Variants in PLA2G12B observed in about 807,000 individuals in gnomAD.
PLA2G12B encodes the protein phospholipase A2 group XIIB, also known as group XIIB secretory phospholipase A2-like protein.
Under a neutral mutation model 22.3 loss-of-function variants are expected in PLA2G12B, and 19 were observed. The ratio of observed to expected loss-of-function variants is 0.85; its 90% CI spans 0.60 to 1.25. The LOEUF is 1.25. PLA2G12B is among the 50% of genes most tolerant of loss of function. PLA2G12B has a pLI of 0.00. For synonymous variants in PLA2G12B, 81 were observed against 94.9 expected (o/e 0.85, Z 0.85); for missense variants, 191 against 246.6 (o/e 0.77, Z 1.51).
Position 72,935,450 on chromosome 10 carries a change from C to T in PLA2G12B, c.*167G>A. ...CTCCATGTCTTTTTTCAAATTTCCT[C>T]AAAGGATAGGACTCACTTTCCAGCT... On this transcript the variant is annotated 3_prime_UTR_variant, in exon 4 of 4. Transcript: ENST00000373032. The T allele has an allele frequency of 9.8e-7, 1 of 1,020,066 alleles. No homozygotes were observed. Among genetic ancestry groups the T allele is most frequent in the Non-Finnish European group, 1.4e-6 (1 of 715,106 alleles). The allele number at this position is 1,020,066 out of a possible 1,614,324, so 63.2% of individuals were successfully genotyped here. A position where few individuals can be genotyped will look rare whatever the true frequency, so the allele number is the denominator to read the frequency against.
At chr10:72,953,956 G>C (rs981680576) in intron 1 of PLA2G12B, among the ~76,000 whole-genome samples, 1 of 152,232 alleles carries the variant, frequency 6.6e-6, no homozygotes, top group Admixed American at 6.5e-5. Flanking sequence ...AGGACGGTGT[G>C]AACTGCAGCA....
At position 72,954,461 on chromosome 10, in the gene PLA2G12B, A is replaced by G; in HGVS notation, c.211+14T>C. The G allele has an allele frequency of 6.2e-7, 1 of 1,614,164 alleles. No homozygotes were observed. Among genetic ancestry groups the G allele is most frequent in the South Asian group, 1.1e-5 (1 of 91,078 alleles). ...CAGCAACAGTTTTTACAGAAAGAGA[A>G]ACCGCACACTCACCATATCGGCACC... On this transcript the variant is annotated intron_variant, in intron 1 of 3. Transcript: ENST00000373032.
intron 1 of PLA2G12B, among the ~76,000 whole-genome samples, chr10:72,953,639 G>A (rs1335145330): frequency 1.3e-5 from 2 of 152,080 alleles, no homozygotes; most frequent in Non-Finnish European, 2.9e-5. Context: ...TCAAGGCCTG[G>A]GGCTCCACAT....
chr10:72,939,443 C>T (rs1453043602), intron 3 of PLA2G12B, among the ~76,000 whole-genome samples: 2 of 152,064 alleles, frequency 1.3e-5, no homozygotes, highest in African/African-American at 4.8e-5. Flanking sequence ...AATAAGCGAT[C>T]TTTGAAAATG....
chr10:72,951,043 CCTGTTCACTAGA>C (rs1338669235), intron 1 of PLA2G12B, among the ~76,000 whole-genome samples: 1 of 152,158 alleles, frequency 6.6e-6, no homozygotes, highest in East Asian at 1.9e-4. Context: ...ATGCAATTAA[CCTGTTCACTAGA>C]CTGTCTTTCT....
rs955949699 is a variant in PLA2G12B at position 72,944,394 on chromosome 10, T to A, written c.212-1654A>T. Reference sequence around the variant, plus strand: ...CTTCGTATCATTCTGCAAAATTGTCTTGATTATTCTTGGACCTTTACTCTC... The same window carrying A: ...CTTCGTATCATTCTGCAAAATTGTCATGATTATTCTTGGACCTTTACTCTC... On this transcript the variant is annotated intron_variant, in intron 1 of 3. Coordinates refer to ENST00000373032, the MANE Select transcript of PLA2G12B (RefSeq NM_032562.5). Among the ~76,000 whole-genome samples the A allele has an allele frequency of 5.3e-5, 8 of 152,354 alleles. No homozygotes were observed. In the East Asian group the frequency reaches 7.7e-4, roughly 15 times the overall value.
chr10:72,939,295 G>T (rs1168945358), intron 3 of PLA2G12B, among the ~76,000 whole-genome samples: 1 of 152,220 alleles, frequency 6.6e-6, no homozygotes, highest in African/African-American at 2.4e-5. Context: ...TCACACAGGG[G>T]CAGAAAGGAA....
chr10:72,949,039 G>T (rs1211736084), intron 1 of PLA2G12B, among the ~76,000 whole-genome samples: 1 of 152,118 alleles, frequency 6.6e-6, no homozygotes, highest in African/African-American at 2.4e-5. Flanking sequence ...GGGAGGGTGC[G>T]TCCATCCTCT....
intron 1 of PLA2G12B, among the ~76,000 whole-genome samples, chr10:72,943,985 T>A (rs1313349799): frequency 6.6e-6 from 1 of 152,054 alleles, no homozygotes; most frequent in East Asian, 1.9e-4. Context: ...TCTTTTTCTT[T>A]CTTCCTTTCT....
At chr10:72,940,363 A>G (rs996713554) in intron 3 of PLA2G12B, among the ~76,000 whole-genome samples, 6 of 152,180 alleles carry the variant, frequency 3.9e-5, no homozygotes, top group African/African-American at 1.4e-4. Flanking sequence ...GTAAATTAGG[A>G]AAAAGAAATT....
chr10:72,944,719 T>G (rs1437568801), intron 1 of PLA2G12B, among the ~76,000 whole-genome samples: 1 of 152,222 alleles, frequency 6.6e-6, no homozygotes, highest in Non-Finnish European at 1.5e-5. Context: ...AATCCAGAGC[T>G]AAGACTCATG....
At chr10:72,949,221 A>G (rs1846488333) in intron 1 of PLA2G12B, among the ~76,000 whole-genome samples, 1 of 152,216 alleles carries the variant, frequency 6.6e-6, no homozygotes, top group African/African-American at 2.4e-5. Context: ...TAACATTTAT[A>G]TTTCCAAAAG....
At position 72,954,628 on chromosome 10, in the gene PLA2G12B, G is replaced by T. The variant is rs1253152223; in HGVS notation, c.58C>A (p.Gln20Lys). ...TCCGTGTCAGGGCTCGTGTCGCTCT[G>T]AGCCAGGCCACCCCCAAGGCTGAGC... ...LWLSLGGGLA[Q>K]SDTSPDTEES... Residue 20 changes from glutamine to lysine, a missense_variant, in exon 1 of 4, where the codon CAG (glutamine) becomes AAG (lysine). Physicochemically the swap from Gln to Lys is moderately conservative, Grantham distance 53 (BLOSUM62 1). Coordinates refer to ENST00000373032, the MANE Select transcript of PLA2G12B (RefSeq NM_032562.5). 6.2e-7 allele frequency: 1 copy of T among 1,614,088 alleles called. No homozygotes were observed. The highest frequency in any genetic ancestry group is 8.5e-7 in the Non-Finnish European group (1 of 1,180,020).
chr10:72,939,182 GTGAA>G (rs1440032211), intron 3 of PLA2G12B, among the ~76,000 whole-genome samples: 3 of 152,188 alleles, frequency 2.0e-5, no homozygotes, highest in Admixed American at 2.0e-4. Flanking sequence ...GCATAACTCT[GTGAA>G]CATATTTAAA....
At chr10:72,946,106 A>G (rs1334577759) in intron 1 of PLA2G12B, among the ~76,000 whole-genome samples, 1 of 152,154 alleles carries the variant, frequency 6.6e-6, no homozygotes, top group African/African-American at 2.4e-5. Flanking sequence ...CTAATTTTGG[A>G]ACATTATAAT....
chr10:72,954,153 C>A (rs1266665828), intron 1 of PLA2G12B, among the ~76,000 whole-genome samples: 1 of 152,162 alleles, frequency 6.6e-6, no homozygotes, highest in Non-Finnish European at 1.5e-5. Context: ...AACTGCCTCA[C>A]AACAAACTCA....
chr10:72,948,774 T>G (rs754672089), intron 1 of PLA2G12B, among the ~76,000 whole-genome samples: 1 of 152,206 alleles, frequency 6.6e-6, no homozygotes, highest in Non-Finnish European at 1.5e-5. Context: ...GACATAAAAT[T>G]CAGAAGCCAT....
chr10:72,941,086 G>C (rs1235034562), intron 3 of PLA2G12B, 83 bp downstream of exon 3: 3 of 1,387,152 alleles, frequency 2.2e-6, no homozygotes, highest in Non-Finnish European at 3.0e-6. Context: ...TGATCTCTTC[G>C]AGTCAAGGGG....
chr10:72,954,404 C>T (rs1468929692), intron 1 of PLA2G12B, 71 bp downstream of exon 1: 2 of 1,588,176 alleles, frequency 1.3e-6, no homozygotes, highest in Non-Finnish European at 8.6e-7. Context: ...CAAGACAGAT[C>T]GTGACCTCTC....
Sources: allele counts gnomAD v4.1 joint callset (sites outside exome capture counted in the v4.1 genomes callset), GRCh38; gene constraint gnomAD v4.1.1; transcripts MANE v1.5; gene names NCBI Gene and HGNC (gene_info 2026-07-23, HGNC 2026-07-21).